Variants in PVT1 observed in about 807,000 individuals in gnomAD.
PVT1 encodes the protein CXCR4/PVT1 fusion.
chr8:128,036,982 T>C lies in PVT1; in HGVS notation n.913-33178T>C, dbSNP rs543994551. On this transcript the variant is annotated intron_variant and non_coding_transcript_variant, in intron 4 of 10. Transcript: ENST00000651587. ...GGTTTGGGCTCCTTCCCTGGGACATTTGGGATGATTTTGATGCATAACTTG... is the reference window on the plus strand; with the variant it reads ...GGTTTGGGCTCCTTCCCTGGGACATCTGGGATGATTTTGATGCATAACTTG... 4.6e-5 allele frequency among the ~76,000 whole-genome samples: 7 copies of C among 152,150 alleles called. No homozygotes were observed. The East Asian group carries it at 1.4e-3, about 29-fold the overall frequency.
chr8:127,829,788 C>T (rs1814830063), intron 2 of PVT1, among the ~76,000 whole-genome samples: 1 of 152,200 alleles, frequency 6.6e-6, no homozygotes, highest in African/African-American at 2.4e-5. Context: ...TACAAATTAG[C>T]AATGGGCTCC....
At chr8:128,087,487 A>T (rs1287193685) in intron 5 of PVT1, among the ~76,000 whole-genome samples, 1 of 152,118 alleles carries the variant, frequency 6.6e-6, no homozygotes, top group African/African-American at 2.4e-5. Context: ...CCAGGCTGTT[A>T]TGCGTGGCAG....
chr8:128,089,622 G>A (rs1814323757), intron 5 of PVT1, among the ~76,000 whole-genome samples: 1 of 152,232 alleles, frequency 6.6e-6, no homozygotes, highest in Admixed American at 6.5e-5. Context: ...TGCAGGCCAT[G>A]AGGGCATACA....
chr8:128,044,214 C>A (rs866076244), intron 4 of PVT1, among the ~76,000 whole-genome samples: 1 of 102,652 alleles, frequency 9.7e-6, no homozygotes, highest in South Asian at 3.5e-4. Flanking sequence ...CTCGCACCTC[C>A]ATCTCCCCTT....
At chr8:127,886,773 G>A (rs557550989) in intron 2 of PVT1, among the ~76,000 whole-genome samples, 33 of 152,164 alleles carry the variant, frequency 2.2e-4, no homozygotes, top group South Asian at 4.2e-4. Flanking sequence ...CAGAAACTGG[G>A]TCATCTCAGG....
intron 4 of PVT1, among the ~76,000 whole-genome samples, chr8:128,021,501 G>T (rs964154946): frequency 6.6e-6 from 1 of 151,946 alleles, no homozygotes; most frequent in Non-Finnish European, 1.5e-5. Context: ...CACCATGTTA[G>T]CCAGGATGGT....
rs559266254 is a variant in PVT1 at position 128,085,674 on chromosome 8, TG to T, written n.1115-10843del. Among the ~76,000 whole-genome samples the T allele has an allele frequency of 1.4e-3, 211 of 152,350 alleles. 1 individual carries two copies. Among genetic ancestry groups the T allele is most frequent in the African/African-American group, 5.0e-3 (208 of 41,586 alleles). ...CATTTTACGACTCACCCTTAATTCA[TG>T]TGTACTAAGAAAGAAACAAATGCTT... On this transcript the variant is annotated intron_variant and non_coding_transcript_variant, in intron 5 of 10. Transcript: ENST00000651587.
chr8:127,995,405 C>T (rs926446363), intron 4 of PVT1, among the ~76,000 whole-genome samples: 4 of 152,218 alleles, frequency 2.6e-5, no homozygotes, highest in African/African-American at 2.4e-5. Context: ...CAGCTCTTGA[C>T]TCCTGGTTTT....
intron 5 of PVT1, among the ~76,000 whole-genome samples, chr8:128,092,678 G>A (rs559983657): frequency 3.1e-4 from 47 of 152,274 alleles, no homozygotes; most frequent in African/African-American, 1.1e-3. Flanking sequence ...ATGAGGGCTG[G>A]GTCTACAGCC....
chr8:127,919,124 C>G (rs1029442557), intron 3 of PVT1, among the ~76,000 whole-genome samples: 9 of 152,176 alleles, frequency 5.9e-5, no homozygotes, highest in African/African-American at 2.2e-4. Flanking sequence ...CTGGCCAGCC[C>G]TCAGCTTCTG....
chr8:127,834,544 G>T lies in PVT1; in HGVS notation n.372+38473G>T, dbSNP rs145227278. Among the ~76,000 whole-genome samples the T allele has an allele frequency of 7.2e-3, 1,099 of 152,176 alleles. 20 individuals are homozygous for T. Among genetic ancestry groups the T allele is most frequent in the African/African-American group, 0.025 (1,033 of 41,518 alleles). On this transcript the variant is annotated intron_variant and non_coding_transcript_variant, in intron 2 of 10. Transcript: ENST00000651587. ...TCATGACTAAAACACCAAAAGCAAT[G>T]GCAACAAAAGCCAGAATTGACAAAT...
intron 4 of PVT1, among the ~76,000 whole-genome samples, chr8:128,052,159 G>A (rs560695703): frequency 2.1e-4 from 32 of 152,282 alleles, no homozygotes; most frequent in African/African-American, 7.5e-4. Context: ...ATTCTTAAGC[G>A]GGCTGGCCTG....
intron 3 of PVT1, among the ~76,000 whole-genome samples, chr8:127,959,569 G>A (rs1307678495): frequency 1.4e-5 from 2 of 140,378 alleles, no homozygotes; most frequent in Admixed American, 1.5e-4. Context: ...TGGCAACAGC[G>A]CGAGACTCTG....
intron 2 of PVT1, among the ~76,000 whole-genome samples, chr8:127,852,875 G>C (rs1815119355): frequency 6.6e-6 from 1 of 152,198 alleles, no homozygotes; most frequent in African/African-American, 2.4e-5. Context: ...CAGAGGACTT[G>C]GTCCTCACTG....
At chr8:128,069,913 AC>A (rs1181939886) in intron 4 of PVT1, among the ~76,000 whole-genome samples, 1 of 151,956 alleles carries the variant, frequency 6.6e-6, no homozygotes, top group Non-Finnish European at 1.5e-5. Context: ...CAGGCCCCCT[AC>A]CCCCAGCCAC....
At chr8:127,942,937 A>G (rs958440888) in intron 3 of PVT1, among the ~76,000 whole-genome samples, 2 of 152,236 alleles carry the variant, frequency 1.3e-5, no homozygotes, top group African/African-American at 4.8e-5. Context: ...TTAGGATTTG[A>G]GAAATAAAAT....
At chr8:128,035,597 A>G (rs75318088) in intron 4 of PVT1, among the ~76,000 whole-genome samples, 2,438 of 152,322 alleles carry the variant, frequency 0.016, 52 homozygotes, top group East Asian at 0.067. Context: ...CCCCAAGATG[A>G]CCATAATCCC....
intron 3 of PVT1, among the ~76,000 whole-genome samples, chr8:127,969,736 A>G (rs1179112235): frequency 1.3e-5 from 2 of 152,190 alleles, no homozygotes; most frequent in Non-Finnish European, 1.5e-5. Flanking sequence ...GTGGATGAAT[A>G]TAGCTATTTT....
intron 4 of PVT1, among the ~76,000 whole-genome samples, chr8:127,993,737 C>G (rs528104757): frequency 6.6e-6 from 1 of 152,358 alleles, no homozygotes; most frequent in African/African-American, 2.4e-5. Flanking sequence ...CAGAAGCTCC[C>G]CAGTCTGCCT....
Sources: allele counts gnomAD v4.1 joint callset (sites outside exome capture counted in the v4.1 genomes callset), GRCh38; gene constraint gnomAD v4.1.1; transcripts MANE v1.5; gene names NCBI Gene and HGNC (gene_info 2026-07-23, HGNC 2026-07-21).